Variants in CDH7 observed in about 807,000 individuals in gnomAD.
The protein encoded by CDH7 is cadherin 7.
Under a neutral mutation model 71.8 loss-of-function variants are expected in CDH7, and 25 were observed. The ratio of observed to expected loss-of-function variants is 0.35; its 90% CI spans 0.25 to 0.49. The LOEUF (loss-of-function observed/expected upper bound fraction) is 0.49. Among genes scored for constraint, CDH7 ranks in the 20% least tolerant of loss-of-function variants. CDH7 has a pLI of 0.99. For synonymous variants in CDH7, 381 were observed against 363.8 expected (o/e 1.05, Z -0.54); for missense variants, 862 against 974.6 (o/e 0.88, Z 1.54).
rs1568192128 is a variant in CDH7, at chr18:65,800,512, G to A, written c.211-9192G>A. Among the ~76,000 whole-genome samples, 4 of 152,100 alleles carry A rather than the reference G, an allele frequency of 2.6e-5. No homozygotes were observed. In the South Asian group the frequency reaches 8.3e-4, roughly 32 times the overall value. ...GAGTGCTGGTTGAAAATAGATTTCT[G>A]GTCCCAAATCAAAGATTCTAGTTCT... On this transcript the variant is annotated intron_variant, in intron 2 of 11. Transcript: ENST00000397968.
rs1341202261 is a variant in CDH7, at chr18:65,881,290, A to G, written c.*396A>G. 6.3e-6 allele frequency: 1 copy of G among 158,216 alleles called. No homozygotes were observed. The highest frequency in any genetic ancestry group is 1.4e-5 in the Non-Finnish European group (1 of 71,952). The allele number at this position is 158,216 out of a possible 1,614,324, so 9.8% of individuals were successfully genotyped here. A position where few individuals can be genotyped will look rare whatever the true frequency, so the allele number is the denominator to read the frequency against. On this transcript the variant is annotated 3_prime_UTR_variant, in exon 12 of 12. Coordinates refer to ENST00000397968, the MANE Select transcript of CDH7 (RefSeq NM_004361.5). ...TGGTACTGTCATTGAGAGGAATAGA[A>G]CATGATGAGCTATTGAAAAACCCTG...
chr18:65,780,754 G>C (rs906433364), intron 2 of CDH7, among the ~76,000 whole-genome samples: 2 of 151,700 alleles, frequency 1.3e-5, no homozygotes, highest in Admixed American at 6.6e-5. Context: ...CTCCAGCTTT[G>C]TTCTTTTGGC....
chr18:65,839,236 A>G (rs1912641715), intron 6 of CDH7, among the ~76,000 whole-genome samples: 1 of 152,232 alleles, frequency 6.6e-6, no homozygotes, highest in Non-Finnish European at 1.5e-5. Flanking sequence ...TAACAGAAAT[A>G]TATGCTGGAT....
chr18:65,800,902 A>T (rs2143882490), intron 2 of CDH7, among the ~76,000 whole-genome samples: 1 of 152,226 alleles, frequency 6.6e-6, no homozygotes, highest in Admixed American at 6.5e-5. Flanking sequence ...CCTCCCCTTC[A>T]TTGTGAAACT....
intron 1 of CDH7, among the ~76,000 whole-genome samples, chr18:65,752,410 G>T (rs1261888475): frequency 2.0e-5 from 3 of 152,120 alleles, no homozygotes; most frequent in Admixed American, 6.5e-5. Context: ...ATAGTTTTAA[G>T]AGAGTCTTTA....
Position 65,886,918 on chromosome 18 carries a change from A to G in CDH7, c.*6024A>G, listed in dbSNP as rs1289749715. On this transcript the variant is annotated 3_prime_UTR_variant, in exon 12 of 12. Transcript: ENST00000397968. ...TAATGGATATTACTTTTTGTCAGTG[A>G]TGCCAAGATGAATGTTAATAAGCTC... The G allele has an allele frequency of 6.6e-6, 1 of 152,128 alleles. No individual in the cohort carries two copies. Among genetic ancestry groups the G allele is most frequent in the Non-Finnish European group, 1.5e-5 (1 of 68,002 alleles). 9.4% of individuals were successfully genotyped at this position (152,128 alleles called of 1,614,324 possible).
chr18:65,801,769 T>C (rs1040541678), intron 2 of CDH7, among the ~76,000 whole-genome samples: 1 of 152,216 alleles, frequency 6.6e-6, no homozygotes, highest in Non-Finnish European at 1.5e-5. Context: ...AAAGATACTT[T>C]AGAAAATTCT....
intron 2 of CDH7, among the ~76,000 whole-genome samples, chr18:65,778,938 CT>C (rs1281546379): frequency 7.2e-5 from 11 of 152,066 alleles, no homozygotes; most frequent in African/African-American, 2.7e-4. Context: ...CCTGAGATTT[CT>C]TTTTCTACCA....
At position 65,869,113 on chromosome 18, in the gene CDH7, G is replaced by A. The variant is rs74556169; in HGVS notation, c.1864+6196G>A. 5.0e-3 allele frequency among the ~76,000 whole-genome samples: 755 copies of A among 152,052 alleles called. 2 individuals are homozygous for A. The highest frequency in any genetic ancestry group is 8.9e-3 in the Non-Finnish European group (603 of 68,004). On this transcript the variant is annotated intron_variant, in intron 11 of 11. Coordinates refer to ENST00000397968, the MANE Select transcript of CDH7 (RefSeq NM_004361.5). ...GAATCAGCCAGGCTTCCGTCTTCTCGCTTGCATCCTCCATGGTCAATTAGT... is the reference window on the plus strand; with the variant it reads ...GAATCAGCCAGGCTTCCGTCTTCTCACTTGCATCCTCCATGGTCAATTAGT...
chr18:65,810,420 T>C (rs1355133235), intron 3 of CDH7, among the ~76,000 whole-genome samples: 2 of 152,206 alleles, frequency 1.3e-5, no homozygotes, highest in East Asian at 1.9e-4. Context: ...CATCTCTCTA[T>C]GGCCAATGTA....
chr18:65,814,573 A>G lies in CDH7; in HGVS notation c.594A>G (p.Gly198=). ...GAGTGGTCTACAGTATTCTGCAAGG[A>G]CAGCCGTACTTCTCAGTGGAGCCAA... is the stretch of plus-strand genomic sequence containing the variant. ...SARVVYSILQ[G]QPYFSVEPKT... The change falls in exon 4 of 12, where the codon GGA becomes GGG. Residue 198 remains glycine (G), a synonymous_variant. Coordinates refer to ENST00000397968, the MANE Select transcript of CDH7 (RefSeq NM_004361.5). The G allele has an allele frequency of 1.5e-5, 24 of 1,613,606 alleles. No homozygotes were observed. The highest frequency in any genetic ancestry group is 1.9e-5 in the Non-Finnish European group (23 of 1,179,716).
intron 6 of CDH7, among the ~76,000 whole-genome samples, chr18:65,842,586 A>G (rs1912774277): frequency 6.6e-6 from 1 of 151,924 alleles, no homozygotes; most frequent in Non-Finnish European, 1.5e-5. Flanking sequence ...GGGATATATT[A>G]TATACAGTAT....
chr18:65,847,584 C>T (rs182584023), intron 7 of CDH7, among the ~76,000 whole-genome samples: 81 of 152,262 alleles, frequency 5.3e-4, no homozygotes, highest in African/African-American at 1.9e-3. Context: ...AAATTTCTAC[C>T]TACTTTACTG....
chr18:65,870,405 G>T (rs1486112719), intron 11 of CDH7, among the ~76,000 whole-genome samples: 6 of 152,108 alleles, frequency 3.9e-5, no homozygotes, highest in Non-Finnish European at 8.8e-5. Flanking sequence ...ATCACAACCA[G>T]ACAGTGGTGG....
chr18:65,753,958 T>C (rs1282679487), intron 1 of CDH7, among the ~76,000 whole-genome samples: 3 of 152,206 alleles, frequency 2.0e-5, no homozygotes, highest in African/African-American at 2.4e-5. Flanking sequence ...CTGACTTTTA[T>C]TGAAGTCACA....
At chr18:65,821,946 CA>C in intron 4 of CDH7, 134 bp from the exon 5 acceptor site, 1 of 655,932 alleles carries the variant, frequency 1.5e-6, no homozygotes, top group Non-Finnish European at 2.7e-6. Context: ...CTTTAATACA[CA>C]GTAAAATTAT....
At chr18:65,751,627 A>G (rs1161118641) in intron 1 of CDH7, among the ~76,000 whole-genome samples, 3 of 152,136 alleles carry the variant, frequency 2.0e-5, no homozygotes, top group Non-Finnish European at 4.4e-5. Context: ...CCTTTGAACC[A>G]TTCGCTCTGG....
Position 65,862,844 on chromosome 18 carries a change from G to A in CDH7, c.1791G>A (p.Glu597=), listed in dbSNP as rs1568227040. ...GCGTAGCCCAGACCTGCAATGCAGA[G>A]GCCTATGTCCTACCTGCTGGCCTCA... ...ADGVAQTCNA[E]AYVLPAGLST... The change falls in exon 11 of 12, where the codon GAG becomes GAA. Residue 597 remains glutamate (E), a synonymous_variant. Transcript: ENST00000397968. 9 of 1,614,116 alleles carry A rather than the reference G, an allele frequency of 5.6e-6. No homozygotes were observed. The highest frequency in any genetic ancestry group is 7.6e-6 in the Non-Finnish European group (9 of 1,180,004).
chr18:65,850,173 A>AT lies in CDH7; in HGVS notation c.1235+6108_1235+6109insT, dbSNP rs145348057. ...AGTGAGACCCTGCCACACTATATAT[A>AT]ATATATATATATATAAAATTAAATA... On this transcript the variant is annotated intron_variant, in intron 7 of 11. Transcript: ENST00000397968. Among the ~76,000 whole-genome samples, 44 of 65,302 alleles carry AT rather than the reference A, an allele frequency of 6.7e-4. 1 individual carries two copies. The highest frequency in any genetic ancestry group is 8.5e-4 in the Non-Finnish European group (30 of 35,254). 42.8% of individuals were successfully genotyped at this position (65,302 alleles called of 152,430 possible). A position where few individuals can be genotyped will look rare whatever the true frequency, so the allele number is the denominator to read the frequency against.
Sources: allele counts gnomAD v4.1 joint callset (sites outside exome capture counted in the v4.1 genomes callset), GRCh38; gene constraint gnomAD v4.1.1; transcripts MANE v1.5; gene names NCBI Gene and HGNC (gene_info 2026-07-23, HGNC 2026-07-21).